The following DHX38 variants were observed in gnomAD, a reference collection of about 807,000 sequenced individuals.
DHX38 encodes DEAH-box helicase 38.
In DHX38, 100 loss-of-function variants were observed where a neutral mutation model predicts 153.1. The observed-to-expected ratio is 0.65, with a 90% CI of 0.56 to 0.77. The LOEUF is 0.77. DHX38 is among the 30% of genes least tolerant of loss of function. The pLI is 0.00. For missense variants in DHX38, 1,440 were observed against 1,654.0 expected (o/e 0.87, Z 2.24); for synonymous variants, 650 against 631.7 (o/e 1.03, Z -0.43).
chr16:72,104,392 G>A lies in DHX38; in HGVS notation c.2011-94G>A. The A allele has an allele frequency of 3.9e-6, 6 of 1,531,788 alleles. No individual in the cohort carries two copies. The highest frequency in any genetic ancestry group is 5.3e-6 in the Non-Finnish European group (6 of 1,133,852). The allele number at this position is 1,531,788 out of a possible 1,614,324, so 94.9% of individuals were successfully genotyped here. Reference sequence around the variant, plus strand: ...TTGAATAGGCCCATTTGTCAGCTTTGGCTTGTGTTTCCTCGGGGGTGGTGC... The same window carrying A: ...TTGAATAGGCCCATTTGTCAGCTTTAGCTTGTGTTTCCTCGGGGGTGGTGC... On this transcript the variant is annotated intron_variant, in intron 14 of 26. Transcript: ENST00000268482. The surrounding 1 kb of genome is among the most constrained non-coding windows in gnomAD (Gnocchi z 4.5).
Position 72,103,093 on chromosome 16 carries a change from G to T in DHX38, c.1519G>T (p.Asp507Tyr). 6.2e-7 allele frequency: 1 copy of T among 1,614,208 alleles called. No individual in the cohort carries two copies. Among genetic ancestry groups the T allele is most frequent in the Non-Finnish European group, 8.5e-7 (1 of 1,180,044 alleles). The change falls in exon 12 of 27, where the codon GAT becomes TAT. Residue 507 changes from aspartate to tyrosine, a missense_variant. Physicochemically the swap from Asp to Tyr is radical, Grantham distance 160 (BLOSUM62 -3). Coordinates refer to ENST00000268482, the MANE Select transcript of DHX38 (RefSeq NM_014003.4). ...VDYRTEQKFA[D>Y]HMKRKSEASS... is the part of the protein sequence containing the mutation. Reference sequence around the variant, plus strand: ...TCCTAGGACAGAGCAGAAGTTTGCAGATCACATGAAGAGAAAGAGCGAAGC... The same window carrying T: ...TCCTAGGACAGAGCAGAAGTTTGCATATCACATGAAGAGAAAGAGCGAAGC...
Position 72,098,692 on chromosome 16 carries a change from T to A in DHX38, c.664T>A (p.Tyr222Asn). Residue 222 changes from tyrosine (Y) to asparagine (N), a missense_variant, in exon 5 of 27, where the codon TAT becomes AAT. By Grantham distance (143) the Tyr-to-Asn change is moderately radical. This residue lies in a region of DHX38 where 483 missense variants were observed against 465.1 expected (regional missense o/e 1.04). Transcript: ENST00000268482. ...RSTWEEEDSG[Y>N]GSSRRSQWES... ...TACCTGGGAGGAAGAGGACAGTGGC[T>A]ATGGCTCCTCAAGGCGCTCACAGTG... 6.2e-7 allele frequency: 1 copy of A among 1,613,952 alleles called. No individual in the cohort carries two copies. The highest frequency in any genetic ancestry group is 8.5e-7 in the Non-Finnish European group (1 of 1,179,962).
intron 18 of DHX38, 64 bp from the exon 19 acceptor site, chr16:72,105,941 C>T: frequency 4.7e-6 from 7 of 1,501,062 alleles, no homozygotes; most frequent in Non-Finnish European, 6.5e-6. Context: ...TTGCCTTTGT[C>T]TCAGGCCTAC....
At position 72,107,424 on chromosome 16, in the gene DHX38, G is replaced by A; in HGVS notation, c.2685G>A (p.Val895=). 1.2e-6 allele frequency: 2 copies of A among 1,614,164 alleles called. No homozygotes were observed. Among genetic ancestry groups the A allele is most frequent in the South Asian group, 2.2e-5 (2 of 91,082 alleles). ...AGAGGACTAACCTGGCCAACGTGGT[G>A]CTGCTGCTCAAGTCCCTCGGGGTGC... ...EIQRTNLANV[V]LLLKSLGVQD... The change falls in exon 20 of 27, where the codon GTG becomes GTA. Residue 895 remains valine, a synonymous_variant. Coordinates refer to ENST00000268482, the MANE Select transcript of DHX38 (RefSeq NM_014003.4). The surrounding 1 kb of genome is among the most constrained non-coding windows in gnomAD (Gnocchi z 5.3).
rs1249336521 is a variant in DHX38 at position 72,096,472 on chromosome 16, G to A, written c.315G>A (p.Arg105=). Residue 105 remains arginine, a synonymous_variant, in exon 2 of 27, where the codon CGG becomes CGA. Coordinates refer to ENST00000268482, the MANE Select transcript of DHX38 (RefSeq NM_014003.4). ...GTGACCAGGCTGGCCAAAATATCCG[G>A]AAAGACAGGTAAAGGCCTTAGTATG... ...EGGDQAGQNI[R]KDRHYRSARV... 7.4e-6 allele frequency: 12 copies of A among 1,611,834 alleles called. No individual in the cohort carries two copies. The highest frequency in any genetic ancestry group is 1.3e-5 in the African/African-American group (1 of 74,904).
At chr16:72,112,302 A>G in intron 26 of DHX38, 111 bp from the exon 27 acceptor site, 1 of 1,049,378 alleles carries the variant, frequency 9.5e-7, no homozygotes, top group East Asian at 2.4e-5. Context: ...CTCGGCCCAG[A>G]GCTCCCCACC....
chr16:72,110,416 T>A (rs550356931), intron 25 of DHX38, among the ~76,000 whole-genome samples: 56 of 152,330 alleles, frequency 3.7e-4, no homozygotes, highest in East Asian at 1.9e-3. Flanking sequence ...CCTTTGCTGA[T>A]GGGAGGATGG....
chr16:72,097,591 T>A, intron 3 of DHX38, 86 bp from the exon 4 acceptor site: 1 of 1,301,896 alleles, frequency 7.7e-7, no homozygotes, highest in Non-Finnish European at 1.1e-6. Flanking sequence ...TGTGAGTGAG[T>A]GGGCAGCCTG....
chr16:72,096,304 CGGACT>C lies in DHX38; in HGVS notation c.153_157del (p.Asp52AlafsTer35), dbSNP rs772166114. 5.0e-6 allele frequency: 8 copies of C among 1,613,922 alleles called. No homozygotes were observed. The South Asian group carries it at 8.8e-5, about 18-fold the overall frequency. On this transcript the variant is annotated frameshift_variant, in exon 2 of 27. Transcript: ENST00000268482. LOFTEE classifies it high-confidence loss of function. ...CTCCTGCTCCCCGCCCTTCATTACTCGGACTGGACTTGCTGGCTTCCCTGAAACGG... is the reference window on the plus strand; with the variant it reads ...CTCCTGCTCCCCGCCCTTCATTACTCGGACTTGCTGGCTTCCCTGAAACGG...
intron 19 of DHX38, among the ~76,000 whole-genome samples, chr16:72,106,749 C>A (rs978402415): frequency 2.6e-5 from 4 of 152,192 alleles, no homozygotes; most frequent in Non-Finnish European, 5.9e-5. Context: ...CTCTGCCTGG[C>A]TCTCTTCCCC....
chr16:72,109,293 C>CT, intron 24 of DHX38, 122 bp from the exon 25 acceptor site: 1 of 1,135,358 alleles, frequency 8.8e-7, no homozygotes, highest in Non-Finnish European at 1.2e-6. Flanking sequence ...TTTTCCTTTC[C>CT]TTTTTTCAGC....
intron 26 of DHX38, 122 bp from the exon 27 acceptor site, chr16:72,112,291 C>A: frequency 1.1e-6 from 1 of 906,190 alleles, no homozygotes; most frequent in Non-Finnish European, 1.7e-6. Context: ...GGAGGAGATC[C>A]CTCGGCCCAG....
chr16:72,112,865 G>C lies in DHX38; in HGVS notation c.*368G>C. On this transcript the variant is annotated 3_prime_UTR_variant, in exon 27 of 27. Transcript: ENST00000268482. ...AAAGACCTAAAGGGAATTGTAATTTGGTTATAATTCAGGATTTGGAAATAA... is the reference window on the plus strand; with the variant it reads ...AAAGACCTAAAGGGAATTGTAATTTCGTTATAATTCAGGATTTGGAAATAA... 1.4e-6 allele frequency: 1 copy of C among 699,164 alleles called. No homozygotes were observed. Among genetic ancestry groups the C allele is most frequent in the Non-Finnish European group, 2.6e-6 (1 of 383,660 alleles). The allele number at this position is 699,164 out of a possible 1,614,324, so 43.3% of individuals were successfully genotyped here.
Position 72,105,637 on chromosome 16 carries a change from A to G in DHX38, c.2487+13A>G, listed in dbSNP as rs762600160. 87 of 1,613,436 alleles carry G rather than the reference A, an allele frequency of 5.4e-5. No individual in the cohort carries two copies. Among genetic ancestry groups the G allele is most frequent in the South Asian group, 2.9e-4 (26 of 91,078 alleles). The stretch of plus-strand genomic sequence containing the variant: ...TTGCAAATTAAAGGTAAGAGAAGAC[A>G]TGGGAGGCAAGGCCTGGGTGTTCAC... On this transcript the variant is annotated intron_variant, in intron 18 of 26. Coordinates refer to ENST00000268482, the MANE Select transcript of DHX38 (RefSeq NM_014003.4).
chr16:72,099,275 C>T lies in DHX38; in HGVS notation c.955C>T (p.Gln319Ter), dbSNP rs770076206. Residue 319 changes from glutamine (Q) to a stop codon, truncating the protein, a stop_gained, in exon 7 of 27, where the codon CAG (glutamine) becomes TAG (stop). Coordinates refer to ENST00000268482, the MANE Select transcript of DHX38 (RefSeq NM_014003.4). LOFTEE classifies it high-confidence loss of function. Reference protein sequence around the residue: ...EEERQQWEDDQRQADRDWYMM... With the variant: ...EEERQQWEDD ...GGAGCGGCAGCAGTGGGAAGATGAC[C>T]AGAGGGTAAAGTTTTATACCTCTGA... The T allele has an allele frequency of 6.2e-7, 1 of 1,610,548 alleles. No individual in the cohort carries two copies. The highest frequency in any genetic ancestry group is 2.2e-5 in the East Asian group (1 of 44,812).
rs746452302 is a variant in DHX38, at chr16:72,112,443, A to T, written c.3630A>T (p.Lys1210Asn). 1 of 1,611,234 alleles carries T rather than the reference A, an allele frequency of 6.2e-7. No individual in the cohort carries two copies. The highest frequency in any genetic ancestry group is 8.5e-7 in the Non-Finnish European group (1 of 1,179,990). The change falls in exon 27 of 27, where the codon AAA (lysine) becomes AAT (asparagine). Residue 1210 changes from lysine to asparagine, a missense_variant. By Grantham distance (94) the Lys-to-Asn change is moderately conservative. Transcript: ENST00000268482. ...RSTKIYTPGR[K>N]EQGEPMTPRR... ...CGAAGATCTACACTCCAGGCCGGAA[A>T]GAGCAAGGGGAGCCCATGACCCCTC...
At position 72,112,394 on chromosome 16, in the gene DHX38, T is replaced by G. The variant is rs778851625; in HGVS notation, c.3600-19T>G. 17 of 1,605,372 alleles carry G rather than the reference T, an allele frequency of 1.1e-5. No homozygotes were observed. Among genetic ancestry groups the G allele is most frequent in the Non-Finnish European group, 1.4e-5 (16 of 1,179,480 alleles). On this transcript the variant is annotated intron_variant, in intron 26 of 26. Transcript: ENST00000268482. The stretch of plus-strand genomic sequence containing the variant: ...GGTGAGGGCACGGTGTTTCCTGATC[T>G]CTCCTGCTGTGTCTCCAGGTCTACG...
At position 72,104,534 on chromosome 16, in the gene DHX38, A is replaced by G. The variant is rs762749883; in HGVS notation, c.2059A>G (p.Met687Val). 1.2e-6 allele frequency: 2 copies of G among 1,614,132 alleles called. No individual in the cohort carries two copies. Among genetic ancestry groups the G allele is most frequent in the East Asian group, 2.2e-5 (1 of 44,856 alleles). Residue 687 changes from methionine to valine, a missense_variant, in exon 15 of 27, where the codon ATG becomes GTG. Physicochemically the swap from Met to Val is conservative, Grantham distance 21. Transcript: ENST00000268482. This position sits in a 1 kb window ranked among gnomAD's most constrained non-coding sequence, Gnocchi z 4.5. Reference sequence around the variant, plus strand: ...GAAGCTCATCGTCACATCAGCCACGATGGATGCGGAGAAGTTTGCTGCCTT... The same window carrying G: ...GAAGCTCATCGTCACATCAGCCACGGTGGATGCGGAGAAGTTTGCTGCCTT... ...DLKLIVTSAT[M>V]DAEKFAAFFG...
rs1329354433 is a variant in DHX38, at chr16:72,096,998, A to G, written c.500A>G (p.Lys167Arg). Residue 167 changes from lysine (K) to arginine (R), a missense_variant, in exon 3 of 27, where the codon AAG becomes AGG. Physicochemically the swap from Lys to Arg is conservative, Grantham distance 26. Transcript: ENST00000268482. ...EKSRDRDYDR[K>R]RDRDERDRSR... ...TCGCGGGATCGAGACTATGACCGCAAGAGGGACAGAGGTAAACTGTCCAGC... is the reference window on the plus strand; with the variant it reads ...TCGCGGGATCGAGACTATGACCGCAGGAGGGACAGAGGTAAACTGTCCAGC... 6.2e-7 allele frequency: 1 copy of G among 1,613,788 alleles called. No individual in the cohort carries two copies. Among genetic ancestry groups the G allele is most frequent in the Admixed American group, 1.7e-5 (1 of 60,006 alleles).
Sources: allele counts gnomAD v4.1 joint callset (sites outside exome capture counted in the v4.1 genomes callset), GRCh38; gene constraint gnomAD v4.1.1; regional missense constraint gnomAD v4.1.1; non-coding constraint Gnocchi (gnomAD v3.1); transcripts MANE v1.5; gene names NCBI Gene and HGNC (gene_info 2026-07-23, HGNC 2026-07-21).